FBRSL1: variants seen among roughly 807,000 people sequenced by gnomAD.
FBRSL1 encodes fibrosin-1-like protein.
In FBRSL1, 51 loss-of-function variants were observed where a neutral mutation model predicts 89.6. The observed-to-expected ratio is 0.57, with a 90% CI of 0.45 to 0.72. FBRSL1 has a LOEUF of 0.72. Ranked by LOEUF, FBRSL1 falls within the 30% of genes least tolerant of loss-of-function variation. FBRSL1 has a pLI of 0.00. For synonymous variants in FBRSL1, 779 were observed against 681.1 expected (o/e 1.14, Z -2.24); for missense variants, 1,618 against 1,451.8 (o/e 1.11, Z -1.86).
In FBRSL1 at chr12:132,499,039, C is replaced by T. The variant is rs2032527514; in HGVS notation, c.291+8178C>T. On this transcript the variant is annotated intron_variant, in intron 1 of 18. Coordinates refer to ENST00000680143, the MANE Select transcript of FBRSL1 (RefSeq NM_001367871.1). The surrounding 1 kb of genome is among the most constrained non-coding windows in gnomAD (Gnocchi z 4.3). ...ATGTGACCAAGGGTACCTGCCACCTCTGCTGTCCCCTGGGACAGTGCTCTG... is the reference window on the plus strand; with the variant it reads ...ATGTGACCAAGGGTACCTGCCACCTTTGCTGTCCCCTGGGACAGTGCTCTG... Among the ~76,000 whole-genome samples, 1 of 152,222 alleles carries T rather than the reference C, an allele frequency of 6.6e-6. No individual in the cohort carries two copies. Among genetic ancestry groups the T allele is most frequent in the African/African-American group, 2.4e-5 (1 of 41,458 alleles).
At chr12:132,539,765 G>A (rs1351156911) in intron 4 of FBRSL1, among the ~76,000 whole-genome samples, 1 of 4,788 alleles carries the variant, frequency 2.1e-4, no homozygotes, top group Non-Finnish European at 3.4e-4. Flanking sequence ...CTCCAGCCCC[G>A]TGTCCCCACC....
intron 4 of FBRSL1, among the ~76,000 whole-genome samples, chr12:132,529,976 C>T (rs2036125701): frequency 6.6e-6 from 1 of 152,212 alleles, no homozygotes; most frequent in East Asian, 1.9e-4. Flanking sequence ...GCGGGGGCAA[C>T]CCCTCAGAGG....
Position 132,572,296 on chromosome 12 carries a change from G to C in FBRSL1, c.1386G>C (p.Lys462Asn), listed in dbSNP as rs1344670382. 6.4e-7 allele frequency: 1 copy of C among 1,551,146 alleles called. No homozygotes were observed. The highest frequency in any genetic ancestry group is 2.0e-5 in the Admixed American group (1 of 50,988). Residue 462 changes from lysine to asparagine, a missense_variant, in exon 10 of 19, where the codon AAG becomes AAC. Physicochemically the swap from Lys to Asn is moderately conservative, Grantham distance 94. Coordinates refer to ENST00000680143, the MANE Select transcript of FBRSL1 (RefSeq NM_001367871.1). ...ACRPRECQFDKYAPKLDSPYF... is the reference protein window; with the variant it reads ...ACRPRECQFDNYAPKLDSPYF... ...CTCTCCTTCCCTTCCAGTTTGACAA[G>C]TATGCGCCCAAGCTGGACAGCCCCT...
intron 15 of FBRSL1, 141 bp from the exon 16 acceptor site, chr12:132,581,298 C>T (rs775497665): frequency 3.0e-4 from 448 of 1,514,040 alleles, no homozygotes; most frequent in Non-Finnish European, 3.7e-4. Flanking sequence ...TGACTGGACA[C>T]GCTTCACCCC....
rs1433997273 is a variant in FBRSL1 at position 132,490,192 on chromosome 12, G to A, written c.-379G>A. On this transcript the variant is annotated 5_prime_UTR_variant, in exon 1 of 19. Transcript: ENST00000680143. ...TCGGGGCGCCGCCGCCGCCTCACGA[G>A]CCCGGTGCCCAGGAGCCCGGCCGCC... 1.6e-5 allele frequency: 1 copy of A among 64,466 alleles called. No individual in the cohort carries two copies. The highest frequency in any genetic ancestry group is 2.9e-5 in the Non-Finnish European group (1 of 34,058). 4.0% of individuals were successfully genotyped at this position (64,466 alleles called of 1,614,324 possible).
At chr12:132,581,349 G>T in intron 15 of FBRSL1, 90 bp from the exon 16 acceptor site, 1 of 1,546,610 alleles carries the variant, frequency 6.5e-7, no homozygotes, top group Non-Finnish European at 8.7e-7. Context: ...GTTCACAGAG[G>T]AAATTGGGGT....
intron 14 of FBRSL1, among the ~76,000 whole-genome samples, chr12:132,574,932 T>G (rs1231160342): frequency 6.6e-6 from 1 of 151,890 alleles, no homozygotes; most frequent in Non-Finnish European, 1.5e-5. Context: ...TGTTCTTCGG[T>G]CTTCAGCAGT....
chr12:132,574,861 ACTGGGGTGCCT>A (rs892316558), intron 14 of FBRSL1, among the ~76,000 whole-genome samples: 2 of 152,028 alleles, frequency 1.3e-5, no homozygotes, highest in African/African-American at 2.4e-5. Context: ...TCCCCACGTC[ACTGGGGTGCCT>A]CTGGGGTCCT....
At chr12:132,507,388 G>C in intron 1 of FBRSL1, 1 of 985,554 alleles carries the variant, frequency 1.0e-6, no homozygotes, top group Non-Finnish European at 1.2e-6. Flanking sequence ...GCATACAGAA[G>C]GTGCTTACTA....
intron 2 of FBRSL1, among the ~76,000 whole-genome samples, chr12:132,515,149 GAGGCC>G (rs2034722190): frequency 6.6e-6 from 1 of 152,078 alleles, no homozygotes; most frequent in South Asian, 2.1e-4. Flanking sequence ...TCTATGGTTT[GAGGCC>G]AGACCTCATG....
At chr12:132,545,492 G>A (rs75094032) in intron 4 of FBRSL1, among the ~76,000 whole-genome samples, 199 of 152,330 alleles carry the variant, frequency 1.3e-3, no homozygotes, top group African/African-American at 4.4e-3. Flanking sequence ...TCCATGCAGC[G>A]TCCTCTGGTG....
At chr12:132,500,455 T>A (rs906466030) in intron 1 of FBRSL1, among the ~76,000 whole-genome samples, 1 of 152,116 alleles carries the variant, frequency 6.6e-6, no homozygotes, top group Non-Finnish European at 1.5e-5. Context: ...TGGCCTGGGC[T>A]CATGGGGCCG....
chr12:132,548,279 T>A (rs562852811), intron 5 of FBRSL1, among the ~76,000 whole-genome samples: 24 of 152,212 alleles, frequency 1.6e-4, no homozygotes, highest in African/African-American at 5.8e-4. Flanking sequence ...CAGGTGGGCA[T>A]CAGTGCTGCC....
At chr12:132,501,261 T>A (rs569625519) in intron 1 of FBRSL1, among the ~76,000 whole-genome samples, 1 of 152,332 alleles carries the variant, frequency 6.6e-6, no homozygotes, top group East Asian at 1.9e-4. Context: ...TGGGCACAGC[T>A]GGACTAGAAT....
intron 2 of FBRSL1, chr12:132,510,042 C>T: frequency 8.1e-7 from 1 of 1,231,408 alleles, no homozygotes; most frequent in Non-Finnish European, 1.0e-6. Context: ...GCAGCCCGGC[C>T]CACTCACGCC....
intron 5 of FBRSL1, among the ~76,000 whole-genome samples, chr12:132,556,211 A>G (rs2038621636): frequency 6.6e-6 from 1 of 152,090 alleles, no homozygotes; most frequent in Non-Finnish European, 1.5e-5. Flanking sequence ...TGGTGAACAC[A>G]CGCTTCTCCG....
intron 2 of FBRSL1, among the ~76,000 whole-genome samples, chr12:132,521,821 C>T (rs930066187): frequency 6.6e-6 from 1 of 152,216 alleles, no homozygotes; most frequent in Admixed American, 6.5e-5. Flanking sequence ...GCACCTTCTG[C>T]TCAGTTTGCA....
intron 4 of FBRSL1, among the ~76,000 whole-genome samples, chr12:132,536,574 A>C (rs1014265589): frequency 6.6e-6 from 1 of 150,912 alleles, no homozygotes; most frequent in Middle Eastern, 3.6e-3. Context: ...CCATGTGTAC[A>C]TCACAGTGTG....
intron 2 of FBRSL1, chr12:132,509,317 G>A (rs995890706): frequency 2.4e-6 from 3 of 1,248,120 alleles, no homozygotes; most frequent in Admixed American, 4.2e-5. Flanking sequence ...GGGCAGCCCT[G>A]CCAGCCCTCC....
Sources: gnomAD v4.1 joint callset for allele counts (sites outside exome capture counted in the v4.1 genomes callset) on GRCh38, gnomAD v4.1.1 for gene constraint, Gnocchi (gnomAD v3.1) non-coding constraint, MANE v1.5 for transcripts, NCBI Gene and HGNC (gene_info 2026-07-23, HGNC 2026-07-21) for gene names.